Variants in PPP1R14C observed in about 807,000 individuals in gnomAD.
PPP1R14C encodes protein phosphatase 1 regulatory subunit 14C.
A neutral mutation model predicts 20.4 loss-of-function variants in PPP1R14C; 16 were observed. The ratio of observed to expected loss-of-function variants is 0.78; its 90% confidence interval spans 0.53 to 1.19. PPP1R14C has a LOEUF of 1.19. Ranked by LOEUF, PPP1R14C falls within the 50% of genes most tolerant of loss-of-function variation. The probability of loss-of-function intolerance (pLI) is 0.00; values close to 1 mark genes in which losing one functional copy is unlikely to be tolerated. For synonymous variants in PPP1R14C, 91 were observed against 91.0 expected, an observed-to-expected ratio of 1.00 and a Z score of 0.00; for missense variants, 211 against 220.1, an observed-to-expected ratio of 0.96 and a Z score of 0.26.
At chr6:150,207,395 G>C (rs556088109) in intron 1 of PPP1R14C, among the ~76,000 whole-genome samples, 5 of 152,242 alleles carry the variant, frequency 3.3e-5, no homozygotes, top group Non-Finnish European at 5.9e-5. Flanking sequence ...GCAGATGGGT[G>C]CCCGGTGGGG....
At chr6:150,223,134 T>A (rs1001615482) in intron 3 of PPP1R14C, among the ~76,000 whole-genome samples, 3 of 152,236 alleles carry the variant, frequency 2.0e-5, no homozygotes, top group African/African-American at 7.2e-5. Flanking sequence ...TTTTCCTTAG[T>A]AATATGCATT....
intron 1 of PPP1R14C, among the ~76,000 whole-genome samples, chr6:150,206,697 G>A (rs1777955695): frequency 6.6e-6 from 1 of 152,178 alleles, no homozygotes; most frequent in African/African-American, 2.4e-5. Context: ...CTGCGTCAGT[G>A]CCCCAGAAGT....
chr6:150,223,147 A>C (rs1405392047), intron 3 of PPP1R14C, among the ~76,000 whole-genome samples: 1 of 152,172 alleles, frequency 6.6e-6, no homozygotes, highest in Non-Finnish European at 1.5e-5. Flanking sequence ...TATGCATTTA[A>C]GTTTGCTCCA....
chr6:150,154,936 G>C (rs1777290033), intron 1 of PPP1R14C, among the ~76,000 whole-genome samples: 1 of 152,122 alleles, frequency 6.6e-6, no homozygotes, highest in East Asian at 1.9e-4. Flanking sequence ...TTAAGAAATG[G>C]CATGTTTGAC....
intron 1 of PPP1R14C, among the ~76,000 whole-genome samples, chr6:150,152,259 G>A (rs540957460): frequency 3.9e-5 from 6 of 152,214 alleles, no homozygotes; most frequent in Non-Finnish European, 7.4e-5. Flanking sequence ...GCAGGCCTCC[G>A]TCAGAGGCCA....
chr6:150,143,517 G>A lies in PPP1R14C; in HGVS notation c.306+19G>A. Reference sequence around the variant, plus strand: ...CTGCGAGGTACCTGGGCGCGGGGCTGGGAGGGTCGGGGACCTCTCTAGCTC... The same window carrying A: ...CTGCGAGGTACCTGGGCGCGGGGCTAGGAGGGTCGGGGACCTCTCTAGCTC... On this transcript the variant is annotated intron_variant, in intron 1 of 3. Coordinates refer to ENST00000361131, the MANE Select transcript of PPP1R14C (RefSeq NM_030949.3). The surrounding 1 kb of genome is among the most constrained non-coding windows in gnomAD (Gnocchi z 5.6). 6.8e-7 allele frequency: 1 copy of A among 1,462,522 alleles called. No individual in the cohort carries two copies. Among genetic ancestry groups the A allele is most frequent in the Non-Finnish European group, 9.4e-7 (1 of 1,066,826 alleles). The allele number at this position is 1,462,522 out of a possible 1,614,324, so 90.6% of individuals were successfully genotyped here. A position where few individuals can be genotyped will look rare whatever the true frequency, so the allele number is the denominator to read the frequency against.
intron 1 of PPP1R14C, among the ~76,000 whole-genome samples, chr6:150,213,192 A>G (rs1186956308): frequency 6.6e-6 from 1 of 152,218 alleles, no homozygotes. Context: ...TCAAAACGGA[A>G]ATTCTCCACA....
intron 1 of PPP1R14C, among the ~76,000 whole-genome samples, chr6:150,150,273 G>T (rs1027511616): frequency 6.6e-6 from 1 of 151,860 alleles, no homozygotes; most frequent in African/African-American, 2.4e-5. Flanking sequence ...TGACTTACTT[G>T]CTCCAAACAG....
Position 150,154,894 on chromosome 6 carries a change from T to C in PPP1R14C, c.306+11396T>C, listed in dbSNP as rs374908026. ...CACAGACACTCACAGCCACCATAGC[T>C]GCTTTTTCTTTGCATTTAATTGGGT... On this transcript the variant is annotated intron_variant, in intron 1 of 3. Coordinates refer to ENST00000361131, the MANE Select transcript of PPP1R14C (RefSeq NM_030949.3). 4.8e-4 allele frequency among the ~76,000 whole-genome samples: 73 copies of C among 152,370 alleles called. 1 individual carries two copies. The South Asian group carries it at 0.014, about 29-fold the overall frequency.
chr6:150,227,698 TA>T (rs1321387650), intron 3 of PPP1R14C, among the ~76,000 whole-genome samples: 4 of 151,688 alleles, frequency 2.6e-5, no homozygotes, highest in Non-Finnish European at 2.9e-5. Flanking sequence ...AAGACACCTT[TA>T]AAAAGTTGTC....
In PPP1R14C at chr6:150,191,742, T is replaced by C. The variant is rs566840884; in HGVS notation, c.307-23002T>C. ...TTGGTAGTGGATGTTTGCTATTCTT[T>C]AGCATCTCAGAGAGTATAGGGGAAA... On this transcript the variant is annotated intron_variant, in intron 1 of 3. Transcript: ENST00000361131. Among the ~76,000 whole-genome samples, 5 of 152,364 alleles carry C rather than the reference T, an allele frequency of 3.3e-5. No homozygotes were observed. The South Asian group carries it at 1.0e-3, about 32-fold the overall frequency.
chr6:150,147,841 A>G (rs1389770306), intron 1 of PPP1R14C, among the ~76,000 whole-genome samples: 3 of 152,074 alleles, frequency 2.0e-5, no homozygotes, highest in Admixed American at 1.3e-4. Flanking sequence ...CATTACCCCC[A>G]TTTTATAAAA....
Position 150,248,913 on chromosome 6 carries a change from T to C in PPP1R14C, c.*93T>C. 1.4e-6 allele frequency: 1 copy of C among 703,632 alleles called. No homozygotes were observed. The highest frequency in any genetic ancestry group is 2.3e-6 in the Non-Finnish European group (1 of 435,834). The allele number at this position is 703,632 out of a possible 1,614,324, so 43.6% of individuals were successfully genotyped here. A position where few individuals can be genotyped will look rare whatever the true frequency, so the allele number is the denominator to read the frequency against. On this transcript the variant is annotated 3_prime_UTR_variant, in exon 4 of 4. Transcript: ENST00000361131. ...TTTTGTGAAAGAATAGGTGTCCTTA[T>C]GAACAACGTTTTTGTTTTTTTTTTT...
chr6:150,249,870 A>G lies in PPP1R14C; in HGVS notation c.*1050A>G, dbSNP rs1177124150. 4.3e-6 allele frequency: 1 copy of G among 230,514 alleles called. No individual in the cohort carries two copies. The highest frequency in any genetic ancestry group is 5.7e-5 in the Admixed American group (1 of 17,606). The allele number at this position is 230,514 out of a possible 1,614,324, so 14.3% of individuals were successfully genotyped here. A position where few individuals can be genotyped will look rare whatever the true frequency, so the allele number is the denominator to read the frequency against. On this transcript the variant is annotated 3_prime_UTR_variant, in exon 4 of 4. Coordinates refer to ENST00000361131, the MANE Select transcript of PPP1R14C (RefSeq NM_030949.3). ...TGAGAAAGCCTCACATTCTCTCAAGACAGTTGCTCTAGGAGCTGAGTTGCT... is the reference window on the plus strand; with the variant it reads ...TGAGAAAGCCTCACATTCTCTCAAGGCAGTTGCTCTAGGAGCTGAGTTGCT...
In PPP1R14C at chr6:150,222,702, G is replaced by A. The variant is rs117981395; in HGVS notation, c.423+5846G>A. The stretch of plus-strand genomic sequence containing the variant: ...GAATGTCATATCTTTGGAATTAACC[G>A]TATATAGCCTTTCTATTTTCAGAAT... On this transcript the variant is annotated intron_variant, in intron 3 of 3. Coordinates refer to ENST00000361131, the MANE Select transcript of PPP1R14C (RefSeq NM_030949.3). 9.4e-3 allele frequency among the ~76,000 whole-genome samples: 1,374 copies of A among 146,852 alleles called. 11 individuals carry two copies. Among genetic ancestry groups the A allele is most frequent in the Non-Finnish European group, 0.016 (1,090 of 67,198 alleles).
chr6:150,151,153 C>A (rs1777242928), intron 1 of PPP1R14C, among the ~76,000 whole-genome samples: 2 of 151,994 alleles, frequency 1.3e-5, no homozygotes, highest in African/African-American at 2.4e-5. Context: ...GTATTTTTAG[C>A]CCTGATCTGT....
At chr6:150,174,946 A>T (rs983374929) in intron 1 of PPP1R14C, among the ~76,000 whole-genome samples, 2 of 148,092 alleles carry the variant, frequency 1.4e-5, no homozygotes, top group African/African-American at 5.0e-5. Flanking sequence ...AGCCTGGGCG[A>T]CCGAGGGAGA....
chr6:150,241,632 A>G (rs752953164), intron 3 of PPP1R14C, among the ~76,000 whole-genome samples: 31 of 152,174 alleles, frequency 2.0e-4, no homozygotes, highest in Non-Finnish European at 4.1e-4. Context: ...CACGCTTGTA[A>G]TCTCAGCATT....
At chr6:150,192,860 G>A (rs1777762733) in intron 1 of PPP1R14C, among the ~76,000 whole-genome samples, 1 of 152,122 alleles carries the variant, frequency 6.6e-6, no homozygotes, top group Non-Finnish European at 1.5e-5. Flanking sequence ...TTTCCACACA[G>A]TGTCTCATCT....
Sources: allele counts gnomAD v4.1 joint callset (sites outside exome capture counted in the v4.1 genomes callset), GRCh38; gene constraint gnomAD v4.1.1; non-coding constraint Gnocchi (gnomAD v3.1); transcripts MANE v1.5; gene names NCBI Gene and HGNC (gene_info 2026-07-23, HGNC 2026-07-21).